TTI1: variants seen among roughly 807,000 people sequenced by gnomAD.
TTI1 encodes the protein TELO2 interacting protein 1.
Under a neutral mutation model 85.4 loss-of-function variants are expected in TTI1, and 52 were observed. The observed-to-expected ratio is 0.61, with a 90% CI of 0.49 to 0.77. The LOEUF (loss-of-function observed/expected upper bound fraction) is 0.77, where lower values mean the gene tolerates loss of function less well. TTI1 is among the 30% of genes least tolerant of loss of function. TTI1 has a pLI of 0.00. For synonymous variants in TTI1, 512 were observed against 503.9 expected (o/e 1.02, Z -0.22); for missense variants, 1,173 against 1,296.0 (o/e 0.91, Z 1.46).
chr20:37,993,550 G>A (rs1182982348), intron 7 of TTI1, among the ~76,000 whole-genome samples: 2 of 152,132 alleles, frequency 1.3e-5, no homozygotes, highest in Non-Finnish European at 2.9e-5. Flanking sequence ...CTCGATGAAG[G>A]CGCCCCTTGG....
intron 1 of TTI1, among the ~76,000 whole-genome samples, chr20:38,021,567 CAG>C (rs1429386722): frequency 1.3e-5 from 2 of 152,182 alleles, no homozygotes; most frequent in African/African-American, 2.4e-5. Flanking sequence ...ACCCAGAGCT[CAG>C]AGTGACTGAA....
chr20:38,006,259 A>C lies in TTI1; in HGVS notation c.2441T>G (p.Leu814Arg), dbSNP rs749118425. 1.2e-5 allele frequency: 20 copies of C among 1,614,100 alleles called. No individual in the cohort carries two copies. Among genetic ancestry groups the C allele is most frequent in the Non-Finnish European group, 1.4e-5 (17 of 1,180,052 alleles). Residue 814 changes from leucine (L) to arginine (R), a missense_variant, in exon 3 of 8, where the codon CTG (leucine) becomes CGG (arginine). Leu to Arg is a moderately radical substitution (Grantham distance 102). Transcript: ENST00000373447. Reference protein sequence around the residue: ...TTAEDIEQFLLNYLKEKDVAD... With the variant: ...TTAEDIEQFLRNYLKEKDVAD... ...CACATCCTTCTCTTTGAGGTAGTTCAGCAAAAACTGTTCGATGTCTTCAGC... is the reference window on the plus strand; with the variant it reads ...CACATCCTTCTCTTTGAGGTAGTTCCGCAAAAACTGTTCGATGTCTTCAGC...
chr20:38,004,343 A>G (rs1325416681), intron 3 of TTI1, among the ~76,000 whole-genome samples: 1 of 152,154 alleles, frequency 6.6e-6, no homozygotes, highest in African/African-American at 2.4e-5. Context: ...ATTTCCACTG[A>G]GCAGAGCACT....
In TTI1 at chr20:38,012,055, C is replaced by T; in HGVS notation, c.1762G>A (p.Glu588Lys). Residue 588 changes from glutamate to lysine, a missense_variant, in exon 2 of 8, where the codon GAG becomes AAG. By Grantham distance (56) the Glu-to-Lys change is moderately conservative. Transcript: ENST00000373447. ...TEEMGEELMM[E>K]HPGLQAITSG... is the part of the protein sequence containing the mutation. ...GTGATGGCTTGGAGGCCTGGGTGCT[C>T]CATCATCAGCTCCTCTCCCATTTCC... 6.2e-7 allele frequency: 1 copy of T among 1,614,190 alleles called. No individual in the cohort carries two copies. Among genetic ancestry groups the T allele is most frequent in the Non-Finnish European group, 8.5e-7 (1 of 1,180,040 alleles).
rs770656855 is a variant in TTI1 at position 38,013,187 on chromosome 20, TAA to T, written c.628_629del (p.Leu210ThrfsTer16). 6.2e-7 allele frequency: 1 copy of T among 1,614,126 alleles called. No homozygotes were observed. The highest frequency in any genetic ancestry group is 2.2e-5 in the East Asian group (1 of 44,882). ...KQLGDLFASF[L>X]PGISTALTRL... Reference sequence around the variant, plus strand: ...TGGTCAGTGCAGTTGAGATTCCAGGTAAAAAAGAGGCAAACAAATCCCCCAGC... The same window carrying T: ...TGGTCAGTGCAGTTGAGATTCCAGGTAAAAGAGGCAAACAAATCCCCCAGC... On this transcript the variant is annotated frameshift_variant, in exon 2 of 8. Transcript: ENST00000373447. LOFTEE classifies it high-confidence loss of function.
At chr20:38,028,723 T>G (rs979910687) in intron 1 of TTI1, among the ~76,000 whole-genome samples, 12 of 152,190 alleles carry the variant, frequency 7.9e-5, no homozygotes, top group Non-Finnish European at 5.9e-5. Context: ...GTTATTTGTT[T>G]TTTTAGACAG....
At chr20:38,006,600 T>C (rs1010991068) in intron 2 of TTI1, among the ~76,000 whole-genome samples, 1 of 152,238 alleles carries the variant, frequency 6.6e-6, no homozygotes, top group Non-Finnish European at 1.5e-5. Context: ...TTCAGAACTC[T>C]TGCATAGGCC....
Position 37,996,821 on chromosome 20 carries a change from G to C in TTI1, c.2926C>G (p.His976Asp). 6.2e-7 allele frequency: 1 copy of C among 1,614,114 alleles called. No individual in the cohort carries two copies. Among genetic ancestry groups the C allele is most frequent in the Non-Finnish European group, 8.5e-7 (1 of 1,179,948 alleles). Residue 976 changes from histidine (H) to aspartate (D), a missense_variant, in exon 6 of 8, where the codon CAC becomes GAC. Coordinates refer to ENST00000373447, the MANE Select transcript of TTI1 (RefSeq NM_001303457.2). ...ISARAGPVYSHTLAFKLQLAV... is the reference protein window; with the variant it reads ...ISARAGPVYSDTLAFKLQLAV... ...AGCTGCAACTTGAAGGCCAGCGTGTGCGAGTAAACTGGTCCAGCCCTGGCA... is the reference window on the plus strand; with the variant it reads ...AGCTGCAACTTGAAGGCCAGCGTGTCCGAGTAAACTGGTCCAGCCCTGGCA...
At chr20:38,024,624 T>C (rs570114985) in intron 1 of TTI1, among the ~76,000 whole-genome samples, 2 of 152,194 alleles carry the variant, frequency 1.3e-5, no homozygotes, top group Admixed American at 6.5e-5. Context: ...CAAAAAACTT[T>C]TGGACAACAA....
rs1301167208 is a variant in TTI1 at position 38,020,316 on chromosome 20, AAAAAAAAATATAT to A, written c.-41-6472_-41-6460del. ...GTCACTTGGCTACTCATATGAAAAA[AAAAAAAAATATAT>A]ATATATATATATATATATATATATG... On this transcript the variant is annotated intron_variant, in intron 1 of 7. Coordinates refer to ENST00000373447, the MANE Select transcript of TTI1 (RefSeq NM_001303457.2). Among the ~76,000 whole-genome samples, 214 of 78,840 alleles carry A rather than the reference AAAAAAAAATATAT, an allele frequency of 2.7e-3. 9 individuals are homozygous for A. Among genetic ancestry groups the A allele is most frequent in the African/African-American group, 0.011 (203 of 17,712 alleles). The allele number at this position is 78,840 out of a possible 152,430, so 51.7% of individuals were successfully genotyped here.
At chr20:38,005,958 T>A in intron 3 of TTI1, 1 of 474,702 alleles carries the variant, frequency 2.1e-6, no homozygotes, top group Non-Finnish European at 3.8e-6. Flanking sequence ...TCAACGGCAA[T>A]AAGCAGAGTT....
At chr20:38,003,182 C>T (rs1387350702) in intron 3 of TTI1, among the ~76,000 whole-genome samples, 1 of 152,152 alleles carries the variant, frequency 6.6e-6, no homozygotes, top group Non-Finnish European at 1.5e-5. Flanking sequence ...AGGCTGGTCT[C>T]CAATTCCTGG....
rs192259671 is a variant in TTI1, at chr20:38,017,579, C to G, written c.-41-3722G>C. On this transcript the variant is annotated intron_variant, in intron 1 of 7. Transcript: ENST00000373447. Reference sequence around the variant, plus strand: ...GTCACCTGGGGCTGGACAGACAAAACTGCAATCTTGAGGGACCTCCAAATA... The same window carrying G: ...GTCACCTGGGGCTGGACAGACAAAAGTGCAATCTTGAGGGACCTCCAAATA... Among the ~76,000 whole-genome samples the G allele has an allele frequency of 4.2e-4, 64 of 152,216 alleles. 2 individuals are homozygous for G. The highest frequency in any genetic ancestry group is 1.4e-3 in the African/African-American group (58 of 41,524).
chr20:37,985,955 CT>C (rs2073185288), intron 7 of TTI1, among the ~76,000 whole-genome samples: 1 of 152,172 alleles, frequency 6.6e-6, no homozygotes, highest in South Asian at 2.1e-4. Context: ...ATCGTTTCCA[CT>C]TCACCGCAGA....
intron 5 of TTI1, among the ~76,000 whole-genome samples, chr20:37,998,865 T>A (rs985043553): frequency 4.6e-5 from 7 of 152,188 alleles, no homozygotes; most frequent in Non-Finnish European, 1.0e-4. Context: ...GTGAGAAAAT[T>A]CCTTAACTTC....
At chr20:37,989,841 C>T (rs1313640842) in intron 7 of TTI1, among the ~76,000 whole-genome samples, 3 of 152,254 alleles carry the variant, frequency 2.0e-5, no homozygotes, top group Admixed American at 1.3e-4. Flanking sequence ...CCTCCACTCA[C>T]GGATGCCTTC....
chr20:38,012,962 G>A lies in TTI1; in HGVS notation c.855C>T (p.Asp285=), dbSNP rs2073622620. The change falls in exon 2 of 8, where the codon GAC becomes GAT. Residue 285 remains aspartate (D), a synonymous_variant. Transcript: ENST00000373447. ...READWVKKTG[D]KLTILIKKII... is the part of the protein sequence containing the mutation. The stretch of plus-strand genomic sequence containing the variant: ...TCTTTTTAATAAGGATAGTCAACTT[G>A]TCGCCAGTCTTTTTTACCCAATCTG... The A allele has an allele frequency of 6.2e-6, 10 of 1,614,092 alleles. No homozygotes were observed. In the East Asian group the frequency reaches 1.3e-4, roughly 22 times the overall value.
At chr20:37,988,313 A>G (rs1489470087) in intron 7 of TTI1, among the ~76,000 whole-genome samples, 1 of 152,214 alleles carries the variant, frequency 6.6e-6, no homozygotes, top group Admixed American at 6.5e-5. Context: ...GAGAGTTTTC[A>G]ATCATGGGCA....
At chr20:38,020,316 AAAAAAAAAT>A (rs1568628868) in intron 1 of TTI1, among the ~76,000 whole-genome samples, 4 of 78,864 alleles carry the variant, frequency 5.1e-5, no homozygotes, top group African/African-American at 2.3e-4. Flanking sequence ...ATATGAAAAA[AAAAAAAAAT>A]ATATATATAT....
Sources: allele counts gnomAD v4.1 joint callset (sites outside exome capture counted in the v4.1 genomes callset), GRCh38; gene constraint gnomAD v4.1.1; transcripts MANE v1.5; gene names NCBI Gene and HGNC (gene_info 2026-07-23, HGNC 2026-07-21).